The following LONRF3 variants were observed in gnomAD, a reference collection of about 807,000 sequenced individuals.
The protein encoded by LONRF3 is LON peptidase N-terminal domain and ring finger 3, also known as LON peptidase N-terminal domain and RING finger protein 3.
LONRF3 carries 19 observed loss-of-function variants against 51.7 expected under a neutral mutation model. That is an observed-to-expected ratio of 0.37 (90% CI 0.26 to 0.54). LONRF3 has a LOEUF of 0.54. LONRF3 is among the 20% of genes least tolerant of loss of function. LONRF3 has a pLI of 0.86. For synonymous variants in LONRF3, 265 were observed against 257.8 expected (o/e 1.03, Z -0.27); for missense variants, 521 against 623.9 (o/e 0.84, Z 1.76).
intron 3 of LONRF3, among the ~76,000 whole-genome samples, 198 bp downstream of exon 3, chrX:118,983,141 G>A (rs1922698551): frequency 9.0e-6 from 1 of 111,630 alleles, no homozygotes; most frequent in African/African-American, 3.3e-5. Context: ...TGTACGATCA[G>A]TTTGGGCAGT....
rs1267580318 is a variant in LONRF3 at position 119,013,180 on chromosome X, T to C, written c.1953T>C (p.Ile651=). 2.5e-6 allele frequency: 3 copies of C among 1,210,618 alleles called. No homozygotes were observed. The highest frequency in any genetic ancestry group is 3.4e-6 in the Non-Finnish European group (3 of 895,075). Residue 651 remains isoleucine (I), a synonymous_variant, in exon 9 of 11, where the codon ATT becomes ATC. Coordinates refer to ENST00000371628, the MANE Select transcript of LONRF3 (RefSeq NM_001031855.3). ...GGGATGGCTACAACACAGCCGACAT[T>C]GAATACATTGAAGACCAAAAGGTAA... ...SQRDGYNTAD[I]EYIEDQKVQG...
chrX:118,985,777 G>A (rs188159543), intron 3 of LONRF3, among the ~76,000 whole-genome samples: 1 of 111,788 alleles, frequency 8.9e-6, no homozygotes, highest in Non-Finnish European at 1.9e-5. Flanking sequence ...AGCTTTGAAG[G>A]CTGAGTGGGG....
chrX:119,011,991 C>T lies in LONRF3; in HGVS notation c.1811+18C>T, dbSNP rs781170861. The T allele has an allele frequency of 1.2e-5, 15 of 1,205,842 alleles. No individual in the cohort carries two copies. Among genetic ancestry groups the T allele is most frequent in the African/African-American group, 5.3e-5 (3 of 56,928 alleles). On this transcript the variant is annotated intron_variant, in intron 8 of 10. Coordinates refer to ENST00000371628, the MANE Select transcript of LONRF3 (RefSeq NM_001031855.3). Reference sequence around the variant, plus strand: ...GTCAAAGGGTAAGTGAGGAGCCATGCGAGCAAAGGGAGGTTGTGTAATGAG... The same window carrying T: ...GTCAAAGGGTAAGTGAGGAGCCATGTGAGCAAAGGGAGGTTGTGTAATGAG...
chrX:119,012,091 T>G, intron 8 of LONRF3, 118 bp downstream of exon 8: 2 of 705,726 alleles, frequency 2.8e-6, no homozygotes, highest in Non-Finnish European at 2.1e-6. Context: ...AACTGAAGAA[T>G]ATGAGCATTT....
In LONRF3 at chrX:118,978,340, G is replaced by A; in HGVS notation, c.818-5G>A. The A allele has an allele frequency of 8.5e-7, 1 of 1,174,849 alleles. No individual in the cohort carries two copies. The highest frequency in any genetic ancestry group is 1.2e-6 in the Non-Finnish European group (1 of 863,022). On this transcript the variant is annotated splice_polypyrimidine_tract_variant and splice_region_variant and intron_variant, in intron 1 of 10. Coordinates refer to ENST00000371628, the MANE Select transcript of LONRF3 (RefSeq NM_001031855.3). ...AATAAAGGTTTTTCTTTCTTATTTT[G>A]ACAGCTCCAAATGACCACTTGCTTT...
chrX:118,990,515 T>C lies in LONRF3; in HGVS notation c.1370T>C (p.Leu457Pro). Reference protein sequence around the residue: ...QGDKPALSLPLASFDASDLEC... With the variant: ...QGDKPALSLPPASFDASDLEC... ...GACAAACCTGCTCTCAGTTTACCAC[T>C]TGCATCTTTCGACGCATCTGACCTT... Residue 457 changes from leucine to proline, a missense_variant, in exon 5 of 11, where the codon CTT (leucine) becomes CCT (proline). Around this residue, in one of 2 missense-constraint regions of LONRF3, gnomAD observed 145 missense variants for 247.2 expected, o/e 0.59. Coordinates refer to ENST00000371628, the MANE Select transcript of LONRF3 (RefSeq NM_001031855.3). 1.7e-6 allele frequency: 2 copies of C among 1,211,136 alleles called. No individual in the cohort carries two copies. Among genetic ancestry groups the C allele is most frequent in the Non-Finnish European group, 2.2e-6 (2 of 894,789 alleles).
In LONRF3 at chrX:118,978,626, G is replaced by A. The variant is rs766898131; in HGVS notation, c.936+163G>A. 2.7e-5 allele frequency among the ~76,000 whole-genome samples: 3 copies of A among 111,101 alleles called. No individual in the cohort carries two copies. The East Asian group carries it at 8.6e-4, about 32-fold the overall frequency. On this transcript the variant is annotated intron_variant, in intron 2 of 10. Coordinates refer to ENST00000371628, the MANE Select transcript of LONRF3 (RefSeq NM_001031855.3). Reference sequence around the variant, plus strand: ...GATCCCTGGGCAAAGAGTGACTCAGGTCTGCAAGGGAGCTGGATTCTTCCC... The same window carrying A: ...GATCCCTGGGCAAAGAGTGACTCAGATCTGCAAGGGAGCTGGATTCTTCCC...
intron 10 of LONRF3, 93 bp from the exon 11 acceptor site, chrX:119,017,442 C>G: frequency 1.1e-6 from 1 of 901,520 alleles, no homozygotes; most frequent in Non-Finnish European, 1.5e-6. Context: ...TGGAGTTGTT[C>G]TACCTGGGGT....
At chrX:118,987,304 G>A (rs1415229836) in intron 3 of LONRF3, among the ~76,000 whole-genome samples, 1 of 109,912 alleles carries the variant, frequency 9.1e-6, no homozygotes, top group Non-Finnish European at 1.9e-5. Flanking sequence ...ATGAAACAGG[G>A]TCTCTTTCTA....
At chrX:118,978,165 T>G (rs1475256615) in intron 1 of LONRF3, among the ~76,000 whole-genome samples, 180 bp from the exon 2 acceptor site, 1 of 110,344 alleles carries the variant, frequency 9.1e-6, no homozygotes, top group Admixed American at 9.6e-5. Context: ...AGGCCCAGAG[T>G]GGCTGGGGGT....
At chrX:118,995,692 G>A (rs1477751880) in intron 5 of LONRF3, among the ~76,000 whole-genome samples, 1 of 111,959 alleles carries the variant, frequency 8.9e-6, no homozygotes, top group Non-Finnish European at 1.9e-5. Flanking sequence ...CAAAAGATTA[G>A]TCAAGGCTAC....
intron 5 of LONRF3, among the ~76,000 whole-genome samples, chrX:118,999,788 C>T (rs747873779): frequency 1.8e-5 from 2 of 111,870 alleles, no homozygotes; most frequent in East Asian, 2.8e-4. Context: ...CCTGCCCCTC[C>T]GTTCTAAGTG....
At position 118,998,499 on chromosome X, in the gene LONRF3, C is replaced by T. The variant is rs745492628; in HGVS notation, c.1416-7622C>T. On this transcript the variant is annotated intron_variant, in intron 5 of 10. Transcript: ENST00000371628. ...GGTGAAGAATAAAAGACTACAAATA[C>T]GGTGCAGTGTATAATGCTCGGGTGA... is the stretch of plus-strand genomic sequence containing the variant. 1.6e-4 allele frequency among the ~76,000 whole-genome samples: 18 copies of T among 110,626 alleles called. No individual in the cohort carries two copies. The South Asian group carries it at 5.9e-3, about 36-fold the overall frequency.
At chrX:118,993,923 C>G (rs1358553732) in intron 5 of LONRF3, among the ~76,000 whole-genome samples, 2 of 112,002 alleles carry the variant, frequency 1.8e-5, no homozygotes, top group Non-Finnish European at 3.8e-5. Flanking sequence ...TCCAGTGAAA[C>G]TAAGCATCAC....
At chrX:119,013,644 T>G (rs1192378095) in intron 9 of LONRF3, among the ~76,000 whole-genome samples, 1 of 112,173 alleles carries the variant, frequency 8.9e-6, no homozygotes, top group Non-Finnish European at 1.9e-5. Flanking sequence ...TTCCCAATAA[T>G]CCATCATCCC....
chrX:118,975,696 A>T, intron 1 of LONRF3, 99 bp downstream of exon 1: 2 of 364,860 alleles, frequency 5.5e-6, no homozygotes, highest in Non-Finnish European at 8.0e-6. Flanking sequence ...GGACCAGGGC[A>T]GAAGAGGGGG....
At chrX:118,978,593 A>C (rs941360658) in intron 2 of LONRF3, 130 bp downstream of exon 2, 1 of 441,524 alleles carries the variant, frequency 2.3e-6, no homozygotes, top group African/African-American at 2.5e-5. Context: ...CAAAGGAGCC[A>C]GGGTAAAGAT....
intron 6 of LONRF3, among the ~76,000 whole-genome samples, chrX:119,007,558 C>T (rs1488831599): frequency 3.0e-4 from 34 of 112,384 alleles, no homozygotes; most frequent in Non-Finnish European, 5.6e-5. Context: ...ATTTTACAAT[C>T]GGTGTTAATG....
At chrX:119,013,018 G>A (rs746576525) in intron 8 of LONRF3, 21 bp from the exon 9 acceptor site, 6 of 1,207,418 alleles carry the variant, frequency 5.0e-6, no homozygotes, top group African/African-American at 3.5e-5. Context: ...CTAGTCTCTC[G>A]ACTCCATTCT....
Sources: gnomAD v4.1 joint callset for allele counts (sites outside exome capture counted in the v4.1 genomes callset) on GRCh38, gnomAD v4.1.1 for gene constraint, gnomAD v4.1.1 regional missense constraint, MANE v1.5 for transcripts, NCBI Gene and HGNC (gene_info 2026-07-23, HGNC 2026-07-21) for gene names.